The following CTNNA2 variants were observed in gnomAD, a reference collection of about 807,000 sequenced individuals.
CTNNA2 encodes the protein catenin alpha-2.
In CTNNA2, 42 loss-of-function variants were observed where a neutral mutation model predicts 101.0. The observed-to-expected ratio is 0.42, with a 90% CI of 0.32 to 0.54. CTNNA2 has a LOEUF of 0.54. CTNNA2 is among the 20% of genes least tolerant of loss of function. The probability of loss-of-function intolerance (pLI) is 0.14; values close to 1 mark genes in which losing one functional copy is unlikely to be tolerated. For synonymous variants in CTNNA2, 450 were observed against 456.4 expected (o/e 0.99, Z 0.18); for missense variants, 871 against 1,223.1 (o/e 0.71, Z 4.29).
At chr2:80,008,910 C>G (rs450658) in intron 7 of CTNNA2, among the ~76,000 whole-genome samples, 85,462 of 152,090 alleles carry the variant, frequency 0.56, 26,388 homozygotes, top group East Asian at 0.76. Context: ...TTGTGCAGAA[C>G]AAGATGTTAG....
intron 3 of CTNNA2, among the ~76,000 whole-genome samples, chr2:79,328,864 G>A (rs2104416374): frequency 6.6e-6 from 1 of 152,288 alleles, no homozygotes; most frequent in South Asian, 2.1e-4. Context: ...CCCTCCAGAG[G>A]CTCAAGGGAT....
chr2:79,381,950 C>T (rs908143699), intron 4 of CTNNA2, among the ~76,000 whole-genome samples: 1 of 152,160 alleles, frequency 6.6e-6, no homozygotes, highest in African/African-American at 2.4e-5. Flanking sequence ...GTCAACTTGG[C>T]TGGGCTAAGG....
chr2:80,413,534 A>G (rs181832648), intron 8 of CTNNA2, among the ~76,000 whole-genome samples: 3 of 152,184 alleles, frequency 2.0e-5, no homozygotes, highest in East Asian at 1.9e-4. Flanking sequence ...TTCATTACCA[A>G]TGGAGTGTGC....
At chr2:80,116,413 T>G (rs1448765991) in intron 7 of CTNNA2, among the ~76,000 whole-genome samples, 4 of 152,034 alleles carry the variant, frequency 2.6e-5, no homozygotes, top group Non-Finnish European at 5.9e-5. Context: ...CAATTAGATT[T>G]TAGAATTTAG....
At chr2:80,324,703 C>T (rs1679076059) in intron 7 of CTNNA2, among the ~76,000 whole-genome samples, 2 of 152,080 alleles carry the variant, frequency 1.3e-5, no homozygotes. Context: ...CTTGAGACTC[C>T]AAATCATCTG....
intron 6 of CTNNA2, among the ~76,000 whole-genome samples, chr2:79,902,333 A>C (rs1685118674): frequency 1.3e-5 from 2 of 152,144 alleles, no homozygotes; most frequent in South Asian, 4.1e-4. Flanking sequence ...CCTGCACAAT[A>C]ATTCATCTCT....
intron 7 of CTNNA2, chr2:80,313,647 G>T (rs780662366): frequency 1.2e-6 from 2 of 1,606,116 alleles, no homozygotes; most frequent in Non-Finnish European, 1.7e-6. Context: ...ACCATGTCTG[G>T]AGCACAGGTA....
chr2:80,448,283 T>C (rs1683224289), intron 9 of CTNNA2, among the ~76,000 whole-genome samples: 1 of 152,182 alleles, frequency 6.6e-6, no homozygotes, highest in South Asian at 2.1e-4. Context: ...GGAGTGGGTA[T>C]TTTAGGGTGA....
intron 4 of CTNNA2, among the ~76,000 whole-genome samples, chr2:79,484,659 C>T (rs1482738198): frequency 6.6e-6 from 1 of 152,080 alleles, no homozygotes; most frequent in Non-Finnish European, 1.5e-5. Context: ...AGGCGTATTG[C>T]ACACGAATAC....
chr2:80,412,882 CG>C (rs1255659584), intron 8 of CTNNA2, among the ~76,000 whole-genome samples: 1 of 152,040 alleles, frequency 6.6e-6, no homozygotes, highest in African/African-American at 2.4e-5. Flanking sequence ...AAGACCAAGC[CG>C]GCCTAACGTT....
chr2:79,726,412 C>T (rs1030083708), intron 2 of CTNNA2, among the ~76,000 whole-genome samples: 17 of 152,124 alleles, frequency 1.1e-4, no homozygotes, highest in Admixed American at 7.2e-4. Flanking sequence ...GGCAAGTGAG[C>T]GTTACCACCT....
At chr2:79,643,454 C>A (rs1175231177) in intron 1 of CTNNA2, among the ~76,000 whole-genome samples, 2 of 152,080 alleles carry the variant, frequency 1.3e-5, no homozygotes, top group African/African-American at 4.8e-5. Context: ...TCCAACCCAC[C>A]CTAGACCTAA....
At chr2:80,200,299 G>A (rs771469150) in intron 7 of CTNNA2, among the ~76,000 whole-genome samples, 9 of 152,068 alleles carry the variant, frequency 5.9e-5, no homozygotes, top group African/African-American at 9.7e-5. Context: ...TGCTTTAGAC[G>A]ACTAGCTTAA....
chr2:80,323,668 T>TCTCCTC (rs371939459), intron 7 of CTNNA2, among the ~76,000 whole-genome samples: 2 of 151,930 alleles, frequency 1.3e-5, no homozygotes, highest in African/African-American at 4.8e-5. Context: ...TCTTTCTTTT[T>TCTCCTC]CTCCTCCTCC....
intron 7 of CTNNA2, among the ~76,000 whole-genome samples, chr2:80,037,317 T>A (rs1695729936): frequency 6.6e-6 from 1 of 152,210 alleles, no homozygotes. Flanking sequence ...TAGAAAGTTC[T>A]TAATTTGTCA....
chr2:80,549,599 T>C (rs984595142), intron 11 of CTNNA2, among the ~76,000 whole-genome samples: 3 of 152,164 alleles, frequency 2.0e-5, no homozygotes, highest in Admixed American at 6.5e-5. Context: ...CACCCAAACA[T>C]TGCAGTTTTT....
At chr2:79,546,695 A>G (rs182792750) in intron 1 of CTNNA2, among the ~76,000 whole-genome samples, 3 of 152,288 alleles carry the variant, frequency 2.0e-5, no homozygotes, top group African/African-American at 4.8e-5. Context: ...AAAACTACCA[A>G]CTGTCCCCAG....
intron 4 of CTNNA2, among the ~76,000 whole-genome samples, chr2:79,387,550 C>T (rs1558655112): frequency 6.6e-6 from 1 of 152,206 alleles, no homozygotes; most frequent in African/African-American, 2.4e-5. Context: ...TCTAGAGACA[C>T]AGCTACATAG....
chr2:79,436,364 G>C (rs62156994), intron 4 of CTNNA2, among the ~76,000 whole-genome samples: 45,797 of 152,074 alleles, frequency 0.3, 7,114 homozygotes, highest in South Asian at 0.44. Context: ...GGGCTGGTGT[G>C]TCTAGTGGCT....
Sources: allele counts gnomAD v4.1 joint callset (sites outside exome capture counted in the v4.1 genomes callset), GRCh38; gene constraint gnomAD v4.1.1; transcripts MANE v1.5; gene names NCBI Gene and HGNC (gene_info 2026-07-23, HGNC 2026-07-21).